The following RNF150 variants were observed in gnomAD, a reference collection of about 807,000 sequenced individuals.
RNF150 encodes ring finger protein 150.
In RNF150, 24 loss-of-function variants were observed where a neutral mutation model predicts 39.3. The ratio of observed to expected loss-of-function variants is 0.61; its 90% CI spans 0.44 to 0.86. The LOEUF (loss-of-function observed/expected upper bound fraction) is 0.86. RNF150 is among the 40% of genes least tolerant of loss of function. The pLI, the probability that RNF150 is intolerant of heterozygous loss-of-function variation, is 0.00. For synonymous variants in RNF150, 255 were observed against 227.3 expected, an observed-to-expected ratio of 1.12 and a Z score of -1.10; for missense variants, 502 against 587.8, an observed-to-expected ratio of 0.85 and a Z score of 1.51.
At chr4:140,907,074 G>T (rs1306711805) in intron 6 of RNF150, among the ~76,000 whole-genome samples, 3 of 152,132 alleles carry the variant, frequency 2.0e-5, no homozygotes, top group Non-Finnish European at 4.4e-5. Context: ...AACATACAGG[G>T]CTGTCTGTTT....
chr4:141,082,989 T>G (rs182973595), intron 1 of RNF150, among the ~76,000 whole-genome samples: 5 of 152,322 alleles, frequency 3.3e-5, no homozygotes, highest in African/African-American at 1.2e-4. Context: ...ATATGTATAG[T>G]AAATATAATA....
chr4:140,974,338 T>C (rs1018710823), intron 1 of RNF150, among the ~76,000 whole-genome samples: 1 of 152,246 alleles, frequency 6.6e-6, no homozygotes, highest in Admixed American at 6.5e-5. Flanking sequence ...TATCAGTAAT[T>C]CATTCCTCTT....
At chr4:140,990,494 A>T (rs769988880) in intron 1 of RNF150, among the ~76,000 whole-genome samples, 6 of 151,752 alleles carry the variant, frequency 4.0e-5, no homozygotes, top group Non-Finnish European at 8.8e-5. Context: ...ATCCCTCCTC[A>T]CATCCCACCT....
At chr4:141,035,209 G>A (rs1736093976) in intron 1 of RNF150, among the ~76,000 whole-genome samples, 1 of 152,180 alleles carries the variant, frequency 6.6e-6, no homozygotes, top group African/African-American at 2.4e-5. Flanking sequence ...ACATACTGAA[G>A]TGTTTACTTA....
At chr4:140,893,564 C>T (rs1729834167) in intron 6 of RNF150, among the ~76,000 whole-genome samples, 1 of 152,180 alleles carries the variant, frequency 6.6e-6, no homozygotes, top group South Asian at 2.1e-4. Context: ...CTTTCCAACT[C>T]CACCTTATTA....
intron 6 of RNF150, among the ~76,000 whole-genome samples, chr4:140,890,029 C>G (rs1007798404): frequency 6.6e-6 from 1 of 152,160 alleles, no homozygotes; most frequent in Non-Finnish European, 1.5e-5. Flanking sequence ...CCCACATTAG[C>G]TCCTTTTGTG....
At chr4:141,034,620 T>C (rs978361448) in intron 1 of RNF150, among the ~76,000 whole-genome samples, 1 of 152,186 alleles carries the variant, frequency 6.6e-6, no homozygotes, top group East Asian at 1.9e-4. Context: ...GTGAGAGACA[T>C]ATGACTTTTC....
At chr4:140,988,233 C>A (rs1734074960) in intron 1 of RNF150, among the ~76,000 whole-genome samples, 1 of 152,106 alleles carries the variant, frequency 6.6e-6, no homozygotes, top group Non-Finnish European at 1.5e-5. Flanking sequence ...ACCGTTCAAT[C>A]CAGAAATCCA....
intron 1 of RNF150, among the ~76,000 whole-genome samples, chr4:141,003,358 T>G (rs1372040287): frequency 1.3e-4 from 20 of 152,180 alleles, no homozygotes; most frequent in Non-Finnish European, 5.9e-5. Context: ...CACATACTGA[T>G]ATTGGACTGA....
chr4:140,980,176 G>A (rs750316674), intron 1 of RNF150, among the ~76,000 whole-genome samples: 1 of 152,038 alleles, frequency 6.6e-6, no homozygotes, highest in African/African-American at 2.4e-5. Context: ...CTGGGGTGCT[G>A]GGACTACAGG....
chr4:141,035,042 G>T (rs1380739175), intron 1 of RNF150, among the ~76,000 whole-genome samples: 1 of 152,170 alleles, frequency 6.6e-6, no homozygotes, highest in African/African-American at 2.4e-5. Context: ...TTTGCAAAGT[G>T]CAATAAAGCA....
intron 1 of RNF150, among the ~76,000 whole-genome samples, chr4:141,060,117 C>T (rs1737154867): frequency 6.6e-6 from 1 of 152,096 alleles, no homozygotes; most frequent in African/African-American, 2.4e-5. Context: ...ATCTTCATGA[C>T]TGAAAAAGGT....
intron 1 of RNF150, among the ~76,000 whole-genome samples, chr4:141,051,495 C>T (rs1736775880): frequency 6.6e-6 from 1 of 152,200 alleles, no homozygotes; most frequent in African/African-American, 2.4e-5. Flanking sequence ...CTCTTGAATG[C>T]TTTGCTGCTT....
intron 1 of RNF150, among the ~76,000 whole-genome samples, chr4:141,047,865 T>C (rs1055676169): frequency 1.3e-5 from 2 of 152,160 alleles, no homozygotes; most frequent in African/African-American, 4.8e-5. Flanking sequence ...ATTTTTCTCC[T>C]GGCACTCAAA....
chr4:140,999,180 A>G (rs1734486398), intron 1 of RNF150, among the ~76,000 whole-genome samples: 1 of 152,254 alleles, frequency 6.6e-6, no homozygotes. Flanking sequence ...TCTCACAAGC[A>G]GACAAAACTA....
intron 1 of RNF150, among the ~76,000 whole-genome samples, chr4:140,971,954 C>T (rs370571387): frequency 7.9e-5 from 12 of 152,110 alleles, no homozygotes; most frequent in African/African-American, 2.9e-4. Flanking sequence ...CTTTTTCAAC[C>T]TCCTGTATTC....
At chr4:141,185,313 T>C (rs1281700014) in intron 1 of RNF150, among the ~76,000 whole-genome samples, 2 of 152,176 alleles carry the variant, frequency 1.3e-5, no homozygotes, top group African/African-American at 4.8e-5. Context: ...AGTTCACTCA[T>C]GATTTGGCTG....
intron 1 of RNF150, among the ~76,000 whole-genome samples, chr4:141,195,524 A>G (rs1439283997): frequency 1.3e-5 from 2 of 151,974 alleles, no homozygotes; most frequent in Non-Finnish European, 2.9e-5. Context: ...GGCTTCAGTG[A>G]CTGGTGGAGG....
At chr4:140,872,990 T>C (rs771045270) in intron 6 of RNF150, among the ~76,000 whole-genome samples, 3 of 152,068 alleles carry the variant, frequency 2.0e-5, no homozygotes, top group Admixed American at 6.6e-5. Flanking sequence ...TAGGAAGTGA[T>C]TGTAGCATGA....
Sources: allele counts gnomAD v4.1 joint callset (sites outside exome capture counted in the v4.1 genomes callset), GRCh38; gene constraint gnomAD v4.1.1; transcripts MANE v1.5; gene names NCBI Gene and HGNC (gene_info 2026-07-23, HGNC 2026-07-21).